Variants in INSC observed in about 807,000 individuals in gnomAD.
The protein encoded by INSC is protein inscuteable homolog.
In INSC, 67 loss-of-function variants were observed where a neutral mutation model predicts 58.6. That is an observed-to-expected ratio of 1.14 (90% CI 0.94 to 1.40). The LOEUF is 1.40. INSC is among the 40% of genes most tolerant of loss of function. The probability of loss-of-function intolerance (pLI) is 0.00; values close to 1 mark genes in which losing one functional copy is unlikely to be tolerated. For synonymous variants in INSC, 262 were observed against 276.1 expected (o/e 0.95, Z 0.51); for missense variants, 714 against 692.0 (o/e 1.03, Z -0.36).
At chr11:15,125,401 A>G (rs79259332) in intron 1 of INSC, among the ~76,000 whole-genome samples, 2,294 of 152,284 alleles carry the variant, frequency 0.015, 31 homozygotes, top group Non-Finnish European at 0.016. Flanking sequence ...TGAACATTGA[A>G]AAATTTCGAA....
At chr11:15,185,147 C>A (rs1356301480) in intron 5 of INSC, among the ~76,000 whole-genome samples, 1 of 151,976 alleles carries the variant, frequency 6.6e-6, no homozygotes, top group Non-Finnish European at 1.5e-5. Flanking sequence ...AGAAGAGGAC[C>A]AATTTAGAGG....
the INSC span, among the ~76,000 whole-genome samples, chr11:15,268,379 T>A: frequency 2.0e-5 from 3 of 151,986 alleles, no homozygotes; most frequent in Non-Finnish European, 2.9e-5. Context: ...CAACACATAA[T>A]AAAAATCTAA....
At chr11:15,126,131 G>A (rs1293060510) in intron 1 of INSC, among the ~76,000 whole-genome samples, 1 of 152,166 alleles carries the variant, frequency 6.6e-6, no homozygotes, top group Admixed American at 6.5e-5. Flanking sequence ...GGTTTTCAAG[G>A]AGATTTTACA....
chr11:15,252,442 A>T, the INSC span, among the ~76,000 whole-genome samples: 838 of 152,360 alleles, frequency 5.5e-3, 7 homozygotes, highest in African/African-American at 0.019. Flanking sequence ...AGACACAAAT[A>T]GGATTGGAGG....
chr11:15,218,698 C>A (rs1163261296), intron 7 of INSC, among the ~76,000 whole-genome samples: 1 of 152,134 alleles, frequency 6.6e-6, no homozygotes, highest in African/African-American at 2.4e-5. Context: ...ATAAGCAACT[C>A]CACACATCCT....
At chr11:15,253,590 T>G in the INSC span, among the ~76,000 whole-genome samples, 1 of 151,736 alleles carries the variant, frequency 6.6e-6, no homozygotes, top group East Asian at 1.9e-4. Context: ...GAAAAGGAAG[T>G]TGGACACTGA....
At chr11:15,262,468 T>G in the INSC span, among the ~76,000 whole-genome samples, 2 of 152,010 alleles carry the variant, frequency 1.3e-5, no homozygotes, top group Non-Finnish European at 1.5e-5. Context: ...CAGCAAAAAG[T>G]TGGAGCTCTA....
intron 5 of INSC, chr11:15,188,351 A>G (rs1188051546): frequency 1.0e-6 from 1 of 985,350 alleles, no homozygotes; most frequent in African/African-American, 1.7e-5. Context: ...TCCTGCCTAC[A>G]TTAAAGGAGA....
chr11:15,166,194 G>C (rs1178213292), intron 2 of INSC, among the ~76,000 whole-genome samples: 1 of 152,124 alleles, frequency 6.6e-6, no homozygotes, highest in African/African-American at 2.4e-5. Context: ...CACTTCTCAA[G>C]GGCTTGAGAA....
the INSC span, among the ~76,000 whole-genome samples, chr11:15,266,159 T>G: frequency 1.4e-3 from 209 of 152,092 alleles, 1 homozygote; most frequent in African/African-American, 4.5e-3. Flanking sequence ...GTTAGTTTTA[T>G]TTTTAGGGAA....
intron 12 of INSC, chr11:15,241,663 G>A (rs1319997759): frequency 4.3e-6 from 3 of 702,104 alleles, no homozygotes; most frequent in South Asian, 1.5e-5. Flanking sequence ...TAATCTTTTT[G>A]TATCTTTGGT....
intron 7 of INSC, among the ~76,000 whole-genome samples, chr11:15,210,694 A>T (rs994827169): frequency 2.6e-5 from 4 of 152,148 alleles, no homozygotes; most frequent in African/African-American, 9.7e-5. Flanking sequence ...CCGTGCTCAC[A>T]GGGAAGCAAA....
intron 10 of INSC, among the ~76,000 whole-genome samples, chr11:15,237,011 T>C (rs567259336): frequency 6.6e-6 from 1 of 152,106 alleles, no homozygotes; most frequent in Non-Finnish European, 1.5e-5. Context: ...TCAGTGGGAG[T>C]GGGTCTCCAT....
chr11:15,203,987 C>G (rs1850697673), intron 7 of INSC, among the ~76,000 whole-genome samples: 1 of 152,202 alleles, frequency 6.6e-6, no homozygotes. Flanking sequence ...ACCAAAATAG[C>G]AGAACTGAAT....
At chr11:15,263,007 T>C in the INSC span, among the ~76,000 whole-genome samples, 2 of 152,110 alleles carry the variant, frequency 1.3e-5, no homozygotes, top group African/African-American at 2.4e-5. Context: ...GGCAAAACTA[T>C]TAAAAATGAC....
intron 10 of INSC, among the ~76,000 whole-genome samples, chr11:15,238,516 T>G (rs1216978159): frequency 6.6e-6 from 1 of 152,154 alleles, no homozygotes; most frequent in East Asian, 1.9e-4. Context: ...CTCCCCCAAC[T>G]GCTAACCATG....
At chr11:15,189,358 C>T (rs1347141443) in intron 5 of INSC, among the ~76,000 whole-genome samples, 1 of 151,024 alleles carries the variant, frequency 6.6e-6, no homozygotes, top group African/African-American at 2.4e-5. Context: ...TTGTTATTTA[C>T]ACCATTTTGT....
At chr11:15,111,907 T>G (rs1564851088), upstream of INSC, among the ~76,000 whole-genome samples, 1 of 152,286 alleles carries the variant, frequency 6.6e-6, no homozygotes, top group East Asian at 1.9e-4. Flanking sequence ...ATGTGTAAAA[T>G]AGGGATAATA....
intron 2 of INSC, among the ~76,000 whole-genome samples, chr11:15,157,843 C>T (rs1251671054): frequency 6.6e-6 from 1 of 152,168 alleles, no homozygotes; most frequent in Admixed American, 6.5e-5. Flanking sequence ...CTGGGGCCCC[C>T]TTCGATGGGC....
Sources: gnomAD v4.1 joint callset for allele counts (sites outside exome capture counted in the v4.1 genomes callset) on GRCh38, gnomAD v4.1.1 for gene constraint, MANE v1.5 for transcripts, NCBI Gene and HGNC (gene_info 2026-07-23, HGNC 2026-07-21) for gene names.